SLC14A2: variants seen among roughly 807,000 people sequenced by gnomAD.
SLC14A2 encodes the protein urea transporter 2.
Under a neutral mutation model 104.6 loss-of-function variants are expected in SLC14A2, and 91 were observed. The ratio of observed to expected loss-of-function variants is 0.87; its 90% CI spans 0.73 to 1.04. The LOEUF (loss-of-function observed/expected upper bound fraction) is 1.04. Among genes scored for constraint, SLC14A2 ranks in the 50% least tolerant of loss-of-function variants. SLC14A2 has a pLI of 0.00. For synonymous variants in SLC14A2, 476 were observed against 466.4 expected (o/e 1.02, Z -0.27); for missense variants, 1,189 against 1,156.0 (o/e 1.03, Z -0.41).
intron 2 of SLC14A2, among the ~76,000 whole-genome samples, chr18:45,577,097 G>A (rs927135530): frequency 9.2e-5 from 14 of 151,778 alleles, no homozygotes; most frequent in Non-Finnish European, 1.5e-4. Flanking sequence ...TTGGGGCACA[G>A]GCTCTGGTTA....
the SLC14A2 span, among the ~76,000 whole-genome samples, chr18:45,196,411 C>G: frequency 6.6e-6 from 1 of 152,162 alleles, no homozygotes; most frequent in Admixed American, 6.5e-5. Context: ...AATTTTGAAG[C>G]TGCTCAGCTA....
intron 1 of SLC14A2, among the ~76,000 whole-genome samples, chr18:45,284,719 G>A (rs200203826): frequency 3.3e-5 from 5 of 152,170 alleles, no homozygotes; most frequent in Admixed American, 6.5e-5. Context: ...CCTGAATGAA[G>A]GGAAAGAACA....
At chr18:45,321,832 G>A (rs1372490848) in intron 1 of SLC14A2, among the ~76,000 whole-genome samples, 1 of 152,202 alleles carries the variant, frequency 6.6e-6, no homozygotes, top group Non-Finnish European at 1.5e-5. Flanking sequence ...GGCTCCTAAA[G>A]GGCACCAGTC....
intron 2 of SLC14A2, among the ~76,000 whole-genome samples, chr18:45,503,804 G>A (rs1283495471): frequency 1.8e-4 from 5 of 27,252 alleles, no homozygotes; most frequent in Admixed American, 1.6e-3. Flanking sequence ...AATCAGCCTG[G>A]TAGATTCAGA....
chr18:45,199,136 T>C, the SLC14A2 span, among the ~76,000 whole-genome samples: 1 of 151,152 alleles, frequency 6.6e-6, no homozygotes, highest in Non-Finnish European at 1.5e-5. Flanking sequence ...CACCAGGTTC[T>C]TTTATTAGTG....
intron 4 of SLC14A2, among the ~76,000 whole-genome samples, chr18:45,632,063 C>G (rs926212232): frequency 5.3e-5 from 8 of 152,124 alleles, no homozygotes; most frequent in Admixed American, 2.0e-4. Context: ...CTAAGTCTCC[C>G]CTGATAAAGA....
intron 1 of SLC14A2, among the ~76,000 whole-genome samples, chr18:45,377,483 C>T (rs1359450263): frequency 1.3e-5 from 2 of 152,178 alleles, no homozygotes. Context: ...ACCAGCACCT[C>T]AGAACCAAAG....
At chr18:45,220,497 T>C (rs2084051054) in intron 1 of SLC14A2, among the ~76,000 whole-genome samples, 1 of 152,238 alleles carries the variant, frequency 6.6e-6, no homozygotes. Flanking sequence ...GGCAGGGTTT[T>C]AAACTTGCCT....
intron 2 of SLC14A2, among the ~76,000 whole-genome samples, chr18:45,530,941 C>T (rs1362938575): frequency 1.3e-5 from 2 of 151,868 alleles, no homozygotes; most frequent in Non-Finnish European, 2.9e-5. Context: ...TGAGTGAGAA[C>T]ATGCGGTGTT....
At chr18:45,559,229 A>G (rs2044172632) in intron 2 of SLC14A2, among the ~76,000 whole-genome samples, 1 of 152,212 alleles carries the variant, frequency 6.6e-6, no homozygotes, top group African/African-American at 2.4e-5. Context: ...TAGTCAGAGA[A>G]TGCTAAAAAG....
chr18:45,264,546 G>A (rs1183356952), intron 1 of SLC14A2, among the ~76,000 whole-genome samples: 2 of 152,136 alleles, frequency 1.3e-5, no homozygotes. Flanking sequence ...AGGTTTAATG[G>A]ACTCACAGTT....
chr18:45,213,842 C>T (rs1001957222), intron 1 of SLC14A2, among the ~76,000 whole-genome samples: 2 of 152,284 alleles, frequency 1.3e-5, no homozygotes, highest in South Asian at 2.1e-4. Flanking sequence ...CCATGATTCT[C>T]GCTTTCCCAT....
chr18:45,599,609 G>A (rs1471366782), intron 2 of SLC14A2, among the ~76,000 whole-genome samples: 2 of 152,204 alleles, frequency 1.3e-5, no homozygotes, highest in Non-Finnish European at 2.9e-5. Flanking sequence ...GCATGACCCA[G>A]CCACTCTGCA....
At chr18:45,458,395 C>A (rs1335480011) in intron 1 of SLC14A2, among the ~76,000 whole-genome samples, 1 of 152,112 alleles carries the variant, frequency 6.6e-6, no homozygotes, top group Admixed American at 6.5e-5. Flanking sequence ...CACAGGAAAA[C>A]CCAGAGTGGC....
chr18:45,567,056 G>GTGTA (rs2044276569), intron 2 of SLC14A2, among the ~76,000 whole-genome samples: 1 of 2,046 alleles, frequency 4.9e-4, no homozygotes, highest in Non-Finnish European at 1.0e-3. Context: ...TGTGCACATA[G>GTGTA]TGTGTGTGTG....
At chr18:45,376,406 G>A (rs1180954640) in intron 1 of SLC14A2, among the ~76,000 whole-genome samples, 2 of 152,198 alleles carry the variant, frequency 1.3e-5, no homozygotes, top group African/African-American at 4.8e-5. Context: ...TCAGGGGAAT[G>A]AGGGAAATGA....
intron 2 of SLC14A2, among the ~76,000 whole-genome samples, chr18:45,504,381 T>C (rs2043249911): frequency 6.6e-6 from 1 of 152,164 alleles, no homozygotes; most frequent in African/African-American, 2.4e-5. Flanking sequence ...CCAAACGATA[T>C]GGTAATGAAT....
chr18:45,223,539 C>T (rs1418034815), intron 1 of SLC14A2, among the ~76,000 whole-genome samples: 1 of 152,200 alleles, frequency 6.6e-6, no homozygotes, highest in Non-Finnish European at 1.5e-5. Flanking sequence ...CACTCTCAGA[C>T]AGGGTCTTCT....
At chr18:45,674,298 C>G (rs1344432393) in intron 18 of SLC14A2, among the ~76,000 whole-genome samples, 4 of 152,114 alleles carry the variant, frequency 2.6e-5, no homozygotes, top group Non-Finnish European at 5.9e-5. Context: ...TTGAGCAGAA[C>G]ATTTAAAACA....
Sources: gnomAD v4.1 joint callset for allele counts (sites outside exome capture counted in the v4.1 genomes callset) on GRCh38, gnomAD v4.1.1 for gene constraint, MANE v1.5 for transcripts, NCBI Gene and HGNC (gene_info 2026-07-23, HGNC 2026-07-21) for gene names.